Variants in THADA observed in about 807,000 individuals in gnomAD.
The protein encoded by THADA is tRNA (32-2'-O)-methyltransferase regulator THADA.
A neutral mutation model predicts 219.8 loss-of-function variants in THADA; 213 were observed. The observed-to-expected ratio is 0.97, with a 90% CI of 0.87 to 1.09. The LOEUF (loss-of-function observed/expected upper bound fraction) is 1.09, where lower values mean the gene tolerates loss of function less well. Ranked by LOEUF, THADA falls within the 50% of genes least tolerant of loss-of-function variation. The probability of loss-of-function intolerance (pLI) is 0.00; values close to 1 mark genes in which losing one functional copy is unlikely to be tolerated. For synonymous variants in THADA, 1,018 were observed against 828.9 expected, an observed-to-expected ratio of 1.23 and a Z score of -3.92; for missense variants, 2,956 against 2,311.3, an observed-to-expected ratio of 1.28 and a Z score of -5.72.
chr2:43,351,171 A>T (rs1031368699), intron 29 of THADA, among the ~76,000 whole-genome samples: 1 of 152,240 alleles, frequency 6.6e-6, no homozygotes, highest in Non-Finnish European at 1.5e-5. Flanking sequence ...CCAGCAAAGA[A>T]ATATTCCTAA....
chr2:43,594,752 T>A (rs936178115), intron 1 of THADA, among the ~76,000 whole-genome samples: 1 of 152,210 alleles, frequency 6.6e-6, no homozygotes, highest in Non-Finnish European at 1.5e-5. Flanking sequence ...TAAGAGGCTT[T>A]ACACTTCTCA....
At chr2:43,263,856 T>A (rs1572829863) in intron 36 of THADA, among the ~76,000 whole-genome samples, 1 of 152,230 alleles carries the variant, frequency 6.6e-6, no homozygotes, top group East Asian at 1.9e-4. Context: ...AAGCCCAGCA[T>A]GCATTAGCTA....
intron 1 of THADA, among the ~76,000 whole-genome samples, chr2:43,595,367 G>C (rs189691057): frequency 1.0e-3 from 156 of 152,298 alleles, no homozygotes; most frequent in African/African-American, 3.6e-3. Context: ...TAGAGGAATA[G>C]AGGCACGCTT....
intron 36 of THADA, among the ~76,000 whole-genome samples, chr2:43,278,086 G>T (rs1017300262): frequency 1.3e-5 from 2 of 151,942 alleles, no homozygotes; most frequent in African/African-American, 4.8e-5. Context: ...GAGTAGCTGG[G>T]ATTACGGGTG....
At chr2:43,266,560 G>A (rs1671541295) in intron 36 of THADA, among the ~76,000 whole-genome samples, 1 of 152,140 alleles carries the variant, frequency 6.6e-6, no homozygotes, top group South Asian at 2.1e-4. Flanking sequence ...CCAAGATAGC[G>A]CCACTGCACT....
intron 29 of THADA, among the ~76,000 whole-genome samples, chr2:43,376,065 A>G (rs1216165316): frequency 2.0e-5 from 3 of 152,202 alleles, no homozygotes; most frequent in Non-Finnish European, 4.4e-5. Context: ...TTAAAGTTGT[A>G]CCTGTAGAAA....
At position 43,245,172 on chromosome 2, in the gene THADA, C is replaced by CTTTTTTTTTTTTTTTTTTTTTTTTTTT. The variant is rs200036949; in HGVS notation, c.5297-12291_5297-12290insAAAAAAAAAAAAAAAAAAAAAAAAAAA. Among the ~76,000 whole-genome samples, 19 of 103,142 alleles carry CTTTTTTTTTTTTTTTTTTTTTTTTTTT rather than the reference C, an allele frequency of 1.8e-4. 2 individuals carry two copies. The highest frequency in any genetic ancestry group is 5.0e-4 in the African/African-American group (10 of 20,008). 67.7% of individuals were successfully genotyped at this position (103,142 alleles called of 152,430 possible). The stretch of plus-strand genomic sequence containing the variant: ...TACTGGAGCTTCTTTCTTTCTTCTT[C>CTTTTTTTTTTTTTTTTTTTTTTTTTTT]TTTTTTTTTTTTTTTTTTGAGACGG... On this transcript the variant is annotated intron_variant, in intron 36 of 37. Transcript: ENST00000405975.
intron 26 of THADA, among the ~76,000 whole-genome samples, chr2:43,457,626 C>G (rs1310862898): frequency 1.3e-5 from 2 of 152,080 alleles, no homozygotes; most frequent in East Asian, 3.9e-4. Flanking sequence ...TTAATTAATT[C>G]CATTAAACTG....
At position 43,549,195 on chromosome 2, in the gene THADA, T is replaced by C; in HGVS notation, c.3106+15A>G. 2 of 1,546,604 alleles carry C rather than the reference T, an allele frequency of 1.3e-6. No individual in the cohort carries two copies. Among genetic ancestry groups the C allele is most frequent in the African/African-American group, 1.4e-5 (1 of 73,236 alleles). The stretch of plus-strand genomic sequence containing the variant: ...ACTTAAACATGAATTACAGTATCCA[T>C]TTTATACAAGTTACCTTTGATTTCT... On this transcript the variant is annotated intron_variant, in intron 20 of 37. Coordinates refer to ENST00000405975, the MANE Select transcript of THADA (RefSeq NM_022065.5).
intron 30 of THADA, among the ~76,000 whole-genome samples, chr2:43,336,279 T>G (rs1359186753): frequency 2.0e-5 from 3 of 151,742 alleles, no homozygotes; most frequent in East Asian, 1.9e-4. Context: ...CATTTTTTTT[T>G]GTTTGTTTTT....
chr2:43,528,124 AGC>A, intron 21 of THADA, 136 bp from the exon 22 acceptor site: 1 of 349,640 alleles, frequency 2.9e-6, no homozygotes, highest in Non-Finnish European at 5.1e-6. Context: ...ACATGTTTTA[AGC>A]TTTTTTTTTT....
chr2:43,539,923 G>A (rs1369515246), intron 21 of THADA, among the ~76,000 whole-genome samples: 1 of 152,046 alleles, frequency 6.6e-6, no homozygotes, highest in Non-Finnish European at 1.5e-5. Flanking sequence ...GCAAAATAAT[G>A]TTCATAGGAA....
chr2:43,237,980 G>A (rs1269436618), intron 36 of THADA, among the ~76,000 whole-genome samples: 5 of 151,368 alleles, frequency 3.3e-5, no homozygotes, highest in African/African-American at 9.7e-5. Flanking sequence ...TTAGCCAGGC[G>A]TGGTGGTGGA....
chr2:43,584,410 A>C (rs1700794180), intron 7 of THADA, among the ~76,000 whole-genome samples: 1 of 152,162 alleles, frequency 6.6e-6, no homozygotes, highest in South Asian at 2.1e-4. Flanking sequence ...AACGAACAAA[A>C]TAAAAAGGAC....
intron 29 of THADA, among the ~76,000 whole-genome samples, chr2:43,369,025 C>T (rs1378931352): frequency 6.6e-6 from 1 of 152,218 alleles, no homozygotes; most frequent in Admixed American, 6.5e-5. Context: ...ACACATACTG[C>T]TGACCTACTT....
chr2:43,315,218 C>G (rs1365357961), intron 31 of THADA, among the ~76,000 whole-genome samples: 1 of 152,158 alleles, frequency 6.6e-6, no homozygotes, highest in Non-Finnish European at 1.5e-5. Context: ...TTAATTTAAA[C>G]ATATGTATAT....
In THADA at chr2:43,520,118, G is replaced by A. The variant is rs188693576; in HGVS notation, c.3374+7761C>T. On this transcript the variant is annotated intron_variant, in intron 22 of 37. Transcript: ENST00000405975. ...CAAGGATATAAAAAGAAAGGTTCTC[G>A]AGTGAAACAGTCCTTGGTTCTTTGA... is the stretch of plus-strand genomic sequence containing the variant. 1.3e-3 allele frequency among the ~76,000 whole-genome samples: 203 copies of A among 152,238 alleles called. 1 individual carries two copies. The highest frequency in any genetic ancestry group is 4.8e-3 in the African/African-American group (200 of 41,530).
chr2:43,578,857 G>A (rs1026165403), intron 8 of THADA, among the ~76,000 whole-genome samples: 13 of 152,172 alleles, frequency 8.5e-5, no homozygotes, highest in South Asian at 8.3e-4. Context: ...TTTTTAGAAG[G>A]AGTCTCACTC....
At chr2:43,348,570 C>T (rs1160994605) in intron 29 of THADA, among the ~76,000 whole-genome samples, 1 of 152,184 alleles carries the variant, frequency 6.6e-6, no homozygotes, top group South Asian at 2.1e-4. Context: ...CTCCACCCCA[C>T]CCCAATCTAA....
Sources: gnomAD v4.1 joint callset for allele counts (sites outside exome capture counted in the v4.1 genomes callset) on GRCh38, gnomAD v4.1.1 for gene constraint, MANE v1.5 for transcripts, NCBI Gene and HGNC (gene_info 2026-07-23, HGNC 2026-07-21) for gene names.